Variants in OR14L1 observed in about 807,000 individuals in gnomAD.
OR14L1 encodes olfactory receptor family 14 subfamily L member 1.
the OR14L1 span, chr1:247,620,839 A>G: frequency 6.6e-6 from 1 of 151,458 alleles, no homozygotes; most frequent in Non-Finnish European, 1.5e-5. Context: ...TCAAAATTTT[A>G]TAAATTATAT....
At chr1:247,617,672 T>C in the OR14L1 span, among the ~76,000 whole-genome samples, 1 of 150,638 alleles carries the variant, frequency 6.6e-6, no homozygotes, top group African/African-American at 2.5e-5. Context: ...GATGAGTCTA[T>C]ATTTCCTTTC....
chr1:247,619,156 T>C, the OR14L1 span, among the ~76,000 whole-genome samples: 8 of 152,316 alleles, frequency 5.3e-5, no homozygotes, highest in African/African-American at 1.9e-4. Context: ...AGCCTTTTTT[T>C]CAGATTACTA....
the OR14L1 span, chr1:247,620,975 A>G: frequency 1.3e-5 from 2 of 152,292 alleles, no homozygotes; most frequent in South Asian, 4.1e-4. Flanking sequence ...ACCAAATGGA[A>G]AATAAACATA....
At chr1:247,620,316 G>A in the OR14L1 span, 1 of 152,108 alleles carries the variant, frequency 6.6e-6, no homozygotes, top group African/African-American at 2.4e-5. Context: ...CTGTCATCAT[G>A]AGGATTCCTT....
chr1:247,621,137 G>A, the OR14L1 span: 1 of 152,100 alleles, frequency 6.6e-6, no homozygotes, highest in Non-Finnish European at 1.5e-5. Context: ...TTATGGTGCT[G>A]TGTATAGGAA....
At chr1:247,617,784 T>A in the OR14L1 span, among the ~76,000 whole-genome samples, 2 of 48,606 alleles carry the variant, frequency 4.1e-5, no homozygotes, top group African/African-American at 1.2e-4. Context: ...TGGTGAAAGT[T>A]CTGTATGTGT....
the OR14L1 span, among the ~76,000 whole-genome samples, chr1:247,618,632 T>G: frequency 6.6e-6 from 1 of 152,194 alleles, no homozygotes; most frequent in Non-Finnish European, 1.5e-5. Flanking sequence ...ATTGATATTC[T>G]TTTTCTTTGA....
chr1:247,621,044 G>C, the OR14L1 span: 3 of 152,156 alleles, frequency 2.0e-5, no homozygotes, highest in Non-Finnish European at 4.4e-5. Context: ...AAATAGGCTA[G>C]AGACCAGTGT....
chr1:247,621,515 C>T, the OR14L1 span: 42 of 152,108 alleles, frequency 2.8e-4, 1 homozygote, highest in African/African-American at 9.9e-4. Context: ...TAATATATCA[C>T]CTGAAACATT....
the OR14L1 span, among the ~76,000 whole-genome samples, chr1:247,618,771 T>C: frequency 5.3e-5 from 8 of 152,180 alleles, no homozygotes; most frequent in African/African-American, 1.7e-4. Flanking sequence ...TGCCTTTTCC[T>C]ATGTGGCTTT....
chr1:247,617,330 G>A, the OR14L1 span: 1 of 152,194 alleles, frequency 6.6e-6, no homozygotes. Context: ...CAAAGAAACA[G>A]AAGTTTGAAA....
the OR14L1 span, chr1:247,617,394 G>C: frequency 6.6e-6 from 1 of 152,250 alleles, no homozygotes; most frequent in South Asian, 2.1e-4. Flanking sequence ...TCAGCTCATA[G>C]CATGCAGTAA....
At chr1:247,619,920 C>T in the OR14L1 span, 1 of 152,152 alleles carries the variant, frequency 6.6e-6, no homozygotes, top group Admixed American at 6.6e-5. Flanking sequence ...CCATTTCTTT[C>T]TTTGGGTGTG....
the OR14L1 span, among the ~76,000 whole-genome samples, chr1:247,617,709 TGC>T: frequency 0.029 from 4,096 of 141,602 alleles, 70 homozygotes; most frequent in Middle Eastern, 0.059. Flanking sequence ...TGTGTGTGTG[TGC>T]GTGTGTGTGT....
the OR14L1 span, chr1:247,619,509 G>A: frequency 6.6e-6 from 1 of 152,234 alleles, no homozygotes; most frequent in African/African-American, 2.4e-5. Context: ...GGGTTAGAAC[G>A]ATAGTATCCA....
the OR14L1 span, chr1:247,620,240 T>C: frequency 3.9e-5 from 6 of 152,138 alleles, no homozygotes; most frequent in Non-Finnish European, 5.9e-5. Flanking sequence ...GGAGTCATGG[T>C]TTTTGGTACA....
the OR14L1 span, among the ~76,000 whole-genome samples, chr1:247,617,815 G>A: frequency 1.9e-5 from 1 of 51,536 alleles, no homozygotes; most frequent in African/African-American, 1.1e-4. Flanking sequence ...TGAAAAGGAT[G>A]TGCACATTTA....
the OR14L1 span, among the ~76,000 whole-genome samples, chr1:247,618,627 TA>T: frequency 6.6e-6 from 1 of 152,178 alleles, no homozygotes; most frequent in Non-Finnish European, 1.5e-5. Flanking sequence ...ACATAATTGA[TA>T]TTCTTTTTCT....
At chr1:247,619,776 C>A in the OR14L1 span, 7 of 152,180 alleles carry the variant, frequency 4.6e-5, no homozygotes, top group Non-Finnish European at 7.3e-5. Context: ...TCCTAATCAT[C>A]ATACTTACCA....
Sources: allele counts gnomAD v4.1 joint callset (sites outside exome capture counted in the v4.1 genomes callset), GRCh38; gene constraint gnomAD v4.1.1; transcripts MANE v1.5; gene names NCBI Gene and HGNC (gene_info 2026-07-23, HGNC 2026-07-21).